The following GPCPD1 variants were observed in gnomAD, a reference collection of about 807,000 sequenced individuals.
GPCPD1 encodes glycerophosphocholine phosphodiesterase 1.
GPCPD1 carries 29 observed loss-of-function variants against 89.2 expected under a neutral mutation model. That is an observed-to-expected ratio of 0.33 (90% CI 0.24 to 0.44). The LOEUF (loss-of-function observed/expected upper bound fraction) is 0.44, where lower values mean the gene tolerates loss of function less well. Among genes scored for constraint, GPCPD1 ranks in the 20% least tolerant of loss-of-function variants. GPCPD1 has a pLI of 1.00. For missense variants in GPCPD1, 594 were observed against 808.9 expected (o/e 0.73, Z 3.22); for synonymous variants, 258 against 266.3 (o/e 0.97, Z 0.30).
Position 5,560,073 on chromosome 20 carries a change from C to G in GPCPD1, c.1399G>C (p.Gly467Arg), listed in dbSNP as rs1461147084. Residue 467 changes from glycine to arginine, a missense_variant, in exon 17 of 20, where the codon GGA becomes CGA. Gly to Arg is a moderately radical substitution (Grantham distance 125, BLOSUM62 -2). Transcript: ENST00000379019. Reference protein sequence around the residue: ...EIKWICQQRDGMWDGNLSTYF... With the variant: ...EIKWICQQRDRMWDGNLSTYF... ...GTTGATAAGTTACCATCCCACATTCCATCCTAGTGAAAGAGAAAGCAAAAT... is the reference window on the plus strand; with the variant it reads ...GTTGATAAGTTACCATCCCACATTCGATCCTAGTGAAAGAGAAAGCAAAAT... The G allele has an allele frequency of 1.3e-6, 2 of 1,540,252 alleles. No individual in the cohort carries two copies. The highest frequency in any genetic ancestry group is 4.3e-5 in the Admixed American group (2 of 46,206).
Position 5,593,862 on chromosome 20 carries a change from C to CA in GPCPD1, c.147-452dup, listed in dbSNP as rs1235389556. On this transcript the variant is annotated intron_variant, in intron 3 of 19. Coordinates refer to ENST00000379019, the MANE Select transcript of GPCPD1 (RefSeq NM_019593.5). ...ACTTCCCACTTAGCGAGGGATGTTA[C>CA]ATGGCTGATAAGAGACTTTGGGTCG... Among the ~76,000 whole-genome samples, 4 of 152,322 alleles carry CA rather than the reference C, an allele frequency of 2.6e-5. No homozygotes were observed. The East Asian group carries it at 7.7e-4, about 29-fold the overall frequency.
chr20:5,591,194 A>C (rs1306874460), intron 4 of GPCPD1, among the ~76,000 whole-genome samples: 1 of 152,236 alleles, frequency 6.6e-6, no homozygotes, highest in Non-Finnish European at 1.5e-5. Context: ...AATTATTTTA[A>C]AATGTAACAC....
chr20:5,568,273 A>G (rs1258590596), intron 12 of GPCPD1, among the ~76,000 whole-genome samples: 1 of 130,772 alleles, frequency 7.6e-6, no homozygotes, highest in Non-Finnish European at 1.6e-5. Flanking sequence ...ACTAAAATCC[A>G]TCACATATAT....
At chr20:5,595,598 G>A (rs11904938) in intron 3 of GPCPD1, among the ~76,000 whole-genome samples, 37,233 of 151,932 alleles carry the variant, frequency 0.25, 4,950 homozygotes, top group East Asian at 0.43. Flanking sequence ...CCCAGATCGC[G>A]CCACTGTACT....
At chr20:5,602,353 C>T (rs1196074611) in intron 2 of GPCPD1, among the ~76,000 whole-genome samples, 1 of 152,218 alleles carries the variant, frequency 6.6e-6, no homozygotes, top group Admixed American at 6.5e-5. Flanking sequence ...GCCTACAACT[C>T]CCCAGAAAGA....
chr20:5,598,616 G>C (rs1245993471), intron 3 of GPCPD1, 109 bp downstream of exon 3: 1 of 663,478 alleles, frequency 1.5e-6, no homozygotes, highest in East Asian at 2.8e-5. Context: ...ACGTGATAAT[G>C]TTGATAAAAA....
At chr20:5,553,815 G>A (rs1363129085) in intron 19 of GPCPD1, among the ~76,000 whole-genome samples, 2 of 152,202 alleles carry the variant, frequency 1.3e-5, no homozygotes, top group African/African-American at 4.8e-5. Flanking sequence ...GAACCCAACA[G>A]AAGTTGGTTC....
At chr20:5,593,483 A>G in intron 3 of GPCPD1, 72 bp from the exon 4 acceptor site, 1 of 802,856 alleles carries the variant, frequency 1.2e-6, no homozygotes, top group Non-Finnish European at 2.1e-6. Context: ...CTTAATTCAC[A>G]AAACTCCTCA....
At chr20:5,586,301 T>C (rs756954480) in intron 4 of GPCPD1, 32 bp from the exon 5 acceptor site, 2 of 1,224,032 alleles carry the variant, frequency 1.6e-6, no homozygotes, top group East Asian at 2.3e-5. Context: ...TCTGCAATAA[T>C]TTCTTATATC....
At chr20:5,607,124 T>C (rs1423045071) in intron 1 of GPCPD1, among the ~76,000 whole-genome samples, 1 of 151,850 alleles carries the variant, frequency 6.6e-6, no homozygotes, top group Non-Finnish European at 1.5e-5. Flanking sequence ...TTGTCTCTAC[T>C]AAAAATACAA....
chr20:5,586,738 C>A (rs768180649), intron 4 of GPCPD1, among the ~76,000 whole-genome samples: 1 of 152,094 alleles, frequency 6.6e-6, no homozygotes, highest in Non-Finnish European at 1.5e-5. Flanking sequence ...TACTCAAGAA[C>A]AATTATCGCA....
At chr20:5,572,773 A>G (rs529941903) in intron 11 of GPCPD1, among the ~76,000 whole-genome samples, 1 of 151,048 alleles carries the variant, frequency 6.6e-6, no homozygotes, top group African/African-American at 2.5e-5. Context: ...TGCTGAAAAT[A>G]CTAACAGCTA....
At position 5,578,500 on chromosome 20, in the gene GPCPD1, C is replaced by T. The variant is rs1194818303; in HGVS notation, c.585G>A (p.Glu195=). The change falls in exon 8 of 20, where the codon GAG becomes GAA. Residue 195 remains glutamate, a synonymous_variant. Transcript: ENST00000379019. ...SLEISLISDN[E]FKCRHSQPEC... ...CCGGCTGTGAATGCCTGCACTTGAA[C>T]TCATTGTCGCTTATTAAGGATATCT... The T allele has an allele frequency of 1.2e-6, 2 of 1,613,618 alleles. No individual in the cohort carries two copies. Among genetic ancestry groups the T allele is most frequent in the South Asian group, 1.1e-5 (1 of 91,074 alleles).
chr20:5,586,838 C>T (rs1978960448), intron 4 of GPCPD1, among the ~76,000 whole-genome samples: 1 of 152,132 alleles, frequency 6.6e-6, no homozygotes, highest in Non-Finnish European at 1.5e-5. Context: ...TTTCTCATAT[C>T]ATAGGAACCA....
Position 5,578,536 on chromosome 20 carries a change from G to C in GPCPD1, c.549C>G (p.Ser183=). The C allele has an allele frequency of 1.2e-6, 2 of 1,613,540 alleles. No individual in the cohort carries two copies. The highest frequency in any genetic ancestry group is 1.7e-6 in the Non-Finnish European group (2 of 1,179,500). Residue 183 remains serine (S), a synonymous_variant, in exon 8 of 20, where the codon TCC becomes TCG. Coordinates refer to ENST00000379019, the MANE Select transcript of GPCPD1 (RefSeq NM_019593.5). The stretch of plus-strand genomic sequence containing the variant: ...TTATTAAGGATATCTCCAAGCTATT[G>C]GACATTTTGTGGAGTACAGTGGGAG... ...RVSPTVLHKM[S]NSLEISLISD...
intron 19 of GPCPD1, among the ~76,000 whole-genome samples, chr20:5,554,620 T>C (rs1279838221): frequency 1.3e-5 from 2 of 152,110 alleles, no homozygotes; most frequent in African/African-American, 2.4e-5. Flanking sequence ...GAAGAAAAAA[T>C]ATTACTGATC....
intron 19 of GPCPD1, among the ~76,000 whole-genome samples, chr20:5,550,956 C>T (rs1163716705): frequency 2.6e-5 from 4 of 152,198 alleles, no homozygotes; most frequent in African/African-American, 9.7e-5. Context: ...AGGGCTATTA[C>T]TCCGAGAGAG....
In GPCPD1 at chr20:5,562,793, T is replaced by C. The variant is rs959425180; in HGVS notation, c.1330-1263A>G. Reference sequence around the variant, plus strand: ...CATCTAAAACAGTTTGTATTCAATTTTGTGTGGGACTTTTTTAATTTTCTC... The same window carrying C: ...CATCTAAAACAGTTTGTATTCAATTCTGTGTGGGACTTTTTTAATTTTCTC... On this transcript the variant is annotated intron_variant, in intron 15 of 19. Coordinates refer to ENST00000379019, the MANE Select transcript of GPCPD1 (RefSeq NM_019593.5). Among the ~76,000 whole-genome samples the C allele has an allele frequency of 1.1e-4, 17 of 152,166 alleles. 1 individual carries two copies. The highest frequency in any genetic ancestry group is 3.9e-4 in the African/African-American group (16 of 41,440).
chr20:5,581,280 T>C (rs1474352419), intron 6 of GPCPD1, among the ~76,000 whole-genome samples: 1 of 152,182 alleles, frequency 6.6e-6, no homozygotes, highest in Non-Finnish European at 1.5e-5. Context: ...AAATATAACT[T>C]TTATATGAAG....
Sources: allele counts gnomAD v4.1 joint callset (sites outside exome capture counted in the v4.1 genomes callset), GRCh38; gene constraint gnomAD v4.1.1; transcripts MANE v1.5; gene names NCBI Gene and HGNC (gene_info 2026-07-23, HGNC 2026-07-21).